The following CD163L1 variants were observed in gnomAD, a reference collection of about 807,000 sequenced individuals.
The protein encoded by CD163L1 is CD163 molecule like 1, also known as scavenger receptor cysteine-rich type 1 protein M160.
Under a neutral mutation model 165.4 loss-of-function variants are expected in CD163L1, and 124 were observed. That is an observed-to-expected ratio of 0.75 (90% CI 0.65 to 0.87). The LOEUF (loss-of-function observed/expected upper bound fraction) is 0.87. Ranked by LOEUF, CD163L1 falls within the 40% of genes least tolerant of loss-of-function variation. CD163L1 has a pLI of 0.00. For missense variants in CD163L1, 1,525 were observed against 1,799.9 expected, an observed-to-expected ratio of 0.85 and a Z score of 2.76; for synonymous variants, 585 against 662.2, an observed-to-expected ratio of 0.88 and a Z score of 1.79.
intron 7 of CD163L1, among the ~76,000 whole-genome samples, chr12:7,397,563 A>G (rs1424449632): frequency 6.6e-6 from 1 of 152,114 alleles, no homozygotes; most frequent in Non-Finnish European, 1.5e-5. Context: ...TTCTCCTTTA[A>G]CAGTAGAGAC....
rs12305920 is a variant in CD163L1 at position 7,400,455 on chromosome 12, G to T, written c.1409-1871C>A. On this transcript the variant is annotated intron_variant, in intron 6 of 19. Coordinates refer to ENST00000313599, the MANE Select transcript of CD163L1 (RefSeq NM_174941.6). The surrounding 1 kb of genome is among the most constrained non-coding windows in gnomAD (Gnocchi z 4.1). ...AGTAGTGTATCCTGTTCTAGTATAG[G>T]ATAACTGGATAGTATAATGATATAA... 0.11 allele frequency among the ~76,000 whole-genome samples: 17,457 copies of T among 152,134 alleles called. 1,887 individuals are homozygous for T. The highest frequency in any genetic ancestry group is 0.28 in the African/African-American group (11,516 of 41,474).
At chr12:7,416,372 A>G (rs1009462261) in intron 4 of CD163L1, among the ~76,000 whole-genome samples, 10 of 152,138 alleles carry the variant, frequency 6.6e-5, no homozygotes, top group African/African-American at 1.9e-4. Flanking sequence ...TAGGTTGACT[A>G]TTCACTCTGA....
At chr12:7,421,047 ATG>A (rs1491561484) in intron 4 of CD163L1, among the ~76,000 whole-genome samples, 1 of 97,972 alleles carries the variant, frequency 1.0e-5, no homozygotes, top group East Asian at 3.6e-4. Context: ...GTGTATATAT[ATG>A]TATATACGTA....
intron 2 of CD163L1, chr12:7,440,135 C>A: frequency 1.5e-6 from 1 of 689,450 alleles, no homozygotes; most frequent in Non-Finnish European, 2.5e-6. Context: ...CCAGCGTGGC[C>A]ACGTCCCGCT....
chr12:7,435,533 C>A (rs1164048577), intron 2 of CD163L1, among the ~76,000 whole-genome samples: 1 of 151,886 alleles, frequency 6.6e-6, no homozygotes, highest in Non-Finnish European at 1.5e-5. Context: ...TAGCTTTATA[C>A]TCTCTTGATT....
intron 8 of CD163L1, among the ~76,000 whole-genome samples, chr12:7,385,481 G>C (rs1161220787): frequency 1.3e-5 from 2 of 151,882 alleles, no homozygotes; most frequent in Non-Finnish European, 2.9e-5. Flanking sequence ...AGAAACATCA[G>C]ATAGAAACTA....
chr12:7,391,543 G>A (rs907899987), intron 8 of CD163L1, among the ~76,000 whole-genome samples: 6 of 152,108 alleles, frequency 3.9e-5, no homozygotes, highest in Non-Finnish European at 4.4e-5. Flanking sequence ...TGATGGAGCC[G>A]AAAACCATGG....
At chr12:7,343,844 C>G (rs1946652280), downstream of CD163L1, among the ~76,000 whole-genome samples, 1 of 152,170 alleles carries the variant, frequency 6.6e-6, no homozygotes, top group African/African-American at 2.4e-5. Context: ...CCTCTAGAGT[C>G]TTAACTCACT....
intron 19 of CD163L1, among the ~76,000 whole-genome samples, chr12:7,355,520 T>C (rs879253677): frequency 2.6e-5 from 4 of 152,306 alleles, no homozygotes; most frequent in Middle Eastern, 3.4e-3. Context: ...TAAGTCAGAA[T>C]TGATGATTAA....
rs1947090629 is a variant in CD163L1, at chr12:7,369,136, G to A, written c.4040-171C>T. 6.6e-6 allele frequency among the ~76,000 whole-genome samples: 1 copy of A among 152,160 alleles called. No individual in the cohort carries two copies. The highest frequency in any genetic ancestry group is 2.4e-5 in the African/African-American group (1 of 41,428). ...AGAATCCTCTTGCTTCAAAGTCTAA[G>A]GCCAAATCCACCTTTCTTCCCTCAA... On this transcript the variant is annotated intron_variant, in intron 15 of 19. Coordinates refer to ENST00000313599, the MANE Select transcript of CD163L1 (RefSeq NM_174941.6). This position sits in a 1 kb window ranked among gnomAD's most constrained non-coding sequence, Gnocchi z 4.9.
intron 5 of CD163L1, 113 bp from the exon 6 acceptor site, chr12:7,403,968 AAAAGT>A: frequency 1.5e-6 from 1 of 680,174 alleles, no homozygotes. Flanking sequence ...ACATACTGAG[AAAAGT>A]AAAGACTAAA....
chr12:7,357,522 A>T (rs1187933479), intron 18 of CD163L1, 36 bp from the exon 19 acceptor site: 8 of 1,578,546 alleles, frequency 5.1e-6, no homozygotes, highest in Middle Eastern at 1.7e-4. Flanking sequence ...ATTGAATAGT[A>T]GAAAACCTCT....
In CD163L1 at chr12:7,396,386, C is replaced by A. The variant is rs764868824; in HGVS notation, c.1759G>T (p.Gly587Cys). ...GDATWGLRLV[G>C]GSNRCSGRLE... is the part of the protein sequence containing the mutation. ...CTTCCCGAGCAGCGGTTGCTGCCGC[C>A]CACCAGCCTCAGGCCCCATGTTGCA... The change falls in exon 8 of 20, where the codon GGC (glycine) becomes TGC (cysteine). Residue 587 changes from glycine to cysteine, a missense_variant. Physicochemically the swap from Gly to Cys is radical, Grantham distance 159. Transcript: ENST00000313599. The A allele has an allele frequency of 6.2e-7, 1 of 1,609,802 alleles. No homozygotes were observed. Among genetic ancestry groups the A allele is most frequent in the Admixed American group, 1.7e-5 (1 of 59,862 alleles).
At chr12:7,358,480 C>T (rs1946824825) in intron 18 of CD163L1, among the ~76,000 whole-genome samples, 1 of 152,012 alleles carries the variant, frequency 6.6e-6, no homozygotes, top group Non-Finnish European at 1.5e-5. Flanking sequence ...AAATTGCACA[C>T]CAAAGATCTT....
intron 14 of CD163L1, among the ~76,000 whole-genome samples, chr12:7,370,352 T>A (rs931723778): frequency 6.6e-6 from 1 of 152,200 alleles, no homozygotes; most frequent in Non-Finnish European, 1.5e-5. Context: ...TCCTCAATAT[T>A]TTAGAATGAT....
chr12:7,322,553 G>C, the CD163L1 span: 1 of 1,609,222 alleles, frequency 6.2e-7, no homozygotes, highest in Non-Finnish European at 8.5e-7. Context: ...TATATCTAAA[G>C]GGCATTTATG....
chr12:7,408,961 G>T (rs937804608), intron 4 of CD163L1, among the ~76,000 whole-genome samples: 1 of 151,910 alleles, frequency 6.6e-6, no homozygotes, highest in South Asian at 2.1e-4. Flanking sequence ...GTCATCCAAG[G>T]GAAAAAAAGA....
At position 7,398,556 on chromosome 12, in the gene CD163L1, G is replaced by A. The variant is rs533765656; in HGVS notation, c.1437C>T (p.Val479=). ...SDKADLDLRL[V]GAHSPCYGRL... is the part of the protein sequence containing the mutation. ...TCCCATAACAGGGGCTATGAGCCCC[G>A]ACAAGCCTTAGGTCCAGATCTGCCT... The change falls in exon 7 of 20, where the codon GTC becomes GTT. Residue 479 remains valine, a synonymous_variant. Coordinates refer to ENST00000313599, the MANE Select transcript of CD163L1 (RefSeq NM_174941.6). The surrounding 1 kb of genome is among the most constrained non-coding windows in gnomAD (Gnocchi z 4.5). 40 of 1,598,468 alleles carry A rather than the reference G, an allele frequency of 2.5e-5. No homozygotes were observed. The highest frequency in any genetic ancestry group is 1.7e-4 in the Middle Eastern group (1 of 6,004).
chr12:7,386,445 G>A (rs1947517481), intron 8 of CD163L1, among the ~76,000 whole-genome samples: 3 of 151,702 alleles, frequency 2.0e-5, no homozygotes, highest in Admixed American at 2.0e-4. Flanking sequence ...TCAAAGAGGA[G>A]GGCATTCTTC....
Sources: allele counts gnomAD v4.1 joint callset (sites outside exome capture counted in the v4.1 genomes callset), GRCh38; gene constraint gnomAD v4.1.1; non-coding constraint Gnocchi (gnomAD v3.1); transcripts MANE v1.5; gene names NCBI Gene and HGNC (gene_info 2026-07-23, HGNC 2026-07-21).